The following GABRG3 variants were observed in gnomAD, a reference collection of about 807,000 sequenced individuals.
GABRG3 encodes gamma-aminobutyric acid type A receptor subunit gamma3.
In GABRG3, 25 loss-of-function variants were observed where a neutral mutation model predicts 48.8. The ratio of observed to expected loss-of-function variants is 0.51; its 90% CI spans 0.37 to 0.72. GABRG3 has a LOEUF of 0.72. Ranked by LOEUF, GABRG3 falls within the 30% of genes least tolerant of loss-of-function variation. GABRG3 has a pLI of 0.00. For synonymous variants in GABRG3, 227 were observed against 217.6 expected (o/e 1.04, Z -0.38); for missense variants, 394 against 577.9 (o/e 0.68, Z 3.26).
intron 6 of GABRG3, among the ~76,000 whole-genome samples, chr15:27,514,864 T>G (rs561521509): frequency 9.2e-5 from 14 of 152,310 alleles, no homozygotes; most frequent in Non-Finnish European, 2.1e-4. Context: ...AATGATGGTG[T>G]AGCCACTAAT....
intron 3 of GABRG3, among the ~76,000 whole-genome samples, chr15:27,045,703 G>A (rs74006555): frequency 0.012 from 1,821 of 152,224 alleles, 32 homozygotes; most frequent in African/African-American, 0.041. Flanking sequence ...TTCAATGTGC[G>A]CCAGTTTGCA....
intron 3 of GABRG3, among the ~76,000 whole-genome samples, chr15:27,298,421 C>A (rs1176445464): frequency 1.3e-5 from 2 of 151,842 alleles, no homozygotes; most frequent in African/African-American, 4.8e-5. Flanking sequence ...GAAAAGTGGG[C>A]TGGAGGGGAA....
chr15:27,416,285 C>G (rs541550405), intron 5 of GABRG3, among the ~76,000 whole-genome samples: 1 of 152,196 alleles, frequency 6.6e-6, no homozygotes, highest in Non-Finnish European at 1.5e-5. Context: ...GTGATTGGGT[C>G]TCAGGCTTTT....
intron 6 of GABRG3, among the ~76,000 whole-genome samples, chr15:27,487,569 C>T (rs979190108): frequency 6.6e-6 from 1 of 152,184 alleles, no homozygotes; most frequent in African/African-American, 2.4e-5. Context: ...GTTAATTTGA[C>T]TTCCTGTATC....
intron 3 of GABRG3, among the ~76,000 whole-genome samples, chr15:27,133,014 C>T (rs187451280): frequency 8.6e-5 from 13 of 151,626 alleles, no homozygotes; most frequent in East Asian, 7.8e-4. Context: ...TTTCATTTAC[C>T]GCAAGATATT....
chr15:27,283,138 G>A (rs1171897480), intron 3 of GABRG3, among the ~76,000 whole-genome samples: 1 of 152,146 alleles, frequency 6.6e-6, no homozygotes, highest in African/African-American at 2.4e-5. Context: ...CAAGGTGGAG[G>A]GCTTTTCCTA....
At chr15:27,493,319 T>TA (rs1890401593) in intron 6 of GABRG3, among the ~76,000 whole-genome samples, 1 of 152,172 alleles carries the variant, frequency 6.6e-6, no homozygotes, top group South Asian at 2.1e-4. Context: ...AATTTTTTTT[T>TA]TAAAAAACTT....
At chr15:27,181,379 T>C (rs921214018) in intron 3 of GABRG3, among the ~76,000 whole-genome samples, 1 of 152,106 alleles carries the variant, frequency 6.6e-6, no homozygotes, top group African/African-American at 2.4e-5. Flanking sequence ...GACTCTTGTT[T>C]TGGGGGAAGA....
At chr15:27,037,250 G>A (rs200144339) in intron 3 of GABRG3, among the ~76,000 whole-genome samples, 70 of 152,286 alleles carry the variant, frequency 4.6e-4, no homozygotes, top group East Asian at 3.7e-3. Context: ...CTGCATTACC[G>A]TAGCAGCCCA....
chr15:27,398,510 T>C (rs146245301), intron 5 of GABRG3, among the ~76,000 whole-genome samples: 155 of 152,332 alleles, frequency 1.0e-3, no homozygotes, highest in African/African-American at 3.5e-3. Context: ...AATATTAATA[T>C]ATACCTATCT....
chr15:27,480,779 C>A lies in GABRG3; in HGVS notation c.704C>A (p.Thr235Lys), dbSNP rs760201044. 6.2e-7 allele frequency: 1 copy of A among 1,613,706 alleles called. No individual in the cohort carries two copies. The highest frequency in any genetic ancestry group is 8.5e-7 in the Non-Finnish European group (1 of 1,179,786). ...GLRNTTEIVT[T>K]SAGDYVVMTI... Reference sequence around the variant, plus strand: ...AGAAACACCACAGAAATCGTGACAACGTCTGCAGGTAGGAATTTACTGAAA... The same window carrying A: ...AGAAACACCACAGAAATCGTGACAAAGTCTGCAGGTAGGAATTTACTGAAA... The change falls in exon 6 of 10, where the codon ACG becomes AAG. Residue 235 changes from threonine to lysine, a missense_variant. Physicochemically the swap from Thr to Lys is moderately conservative, Grantham distance 78. Transcript: ENST00000615808.
At chr15:27,061,820 T>C (rs1339300583) in intron 3 of GABRG3, among the ~76,000 whole-genome samples, 4 of 152,140 alleles carry the variant, frequency 2.6e-5, no homozygotes, top group African/African-American at 9.7e-5. Flanking sequence ...TATCCGGGCC[T>C]GGTGGAAGCC....
At chr15:27,420,841 A>G (rs1888091726) in intron 5 of GABRG3, 1 of 152,226 alleles carries the variant, frequency 6.6e-6, no homozygotes, top group Non-Finnish European at 1.5e-5. Flanking sequence ...GTTAAAAAAT[A>G]AAAGTAGTGC....
chr15:27,276,959 GCTAT>G (rs1190100772), intron 3 of GABRG3, among the ~76,000 whole-genome samples: 4 of 152,224 alleles, frequency 2.6e-5, no homozygotes, highest in Non-Finnish European at 5.9e-5. Context: ...TGATTGATTG[GCTAT>G]CTGGGAGAAG....
intron 3 of GABRG3, among the ~76,000 whole-genome samples, chr15:27,240,771 G>A (rs565231434): frequency 2.0e-4 from 30 of 152,252 alleles, no homozygotes; most frequent in African/African-American, 6.7e-4. Context: ...AGACTTAAGT[G>A]TATTTTCTAT....
chr15:27,124,404 T>C (rs1897782544), intron 3 of GABRG3, among the ~76,000 whole-genome samples: 1 of 152,198 alleles, frequency 6.6e-6, no homozygotes, highest in South Asian at 2.1e-4. Flanking sequence ...TGCTGGGCTC[T>C]CTGTCCAGGC....
At chr15:27,477,778 C>T (rs1046815418) in intron 5 of GABRG3, among the ~76,000 whole-genome samples, 5 of 152,160 alleles carry the variant, frequency 3.3e-5, no homozygotes, top group African/African-American at 7.2e-5. Flanking sequence ...CAGTGGCTCA[C>T]ACCTGTAATC....
At chr15:27,144,073 A>G (rs555313043) in intron 3 of GABRG3, among the ~76,000 whole-genome samples, 1 of 152,344 alleles carries the variant, frequency 6.6e-6, no homozygotes, top group East Asian at 1.9e-4. Flanking sequence ...CAGGACCCCC[A>G]TAATTAAGAT....
At chr15:27,095,320 G>A (rs2140760257) in intron 3 of GABRG3, among the ~76,000 whole-genome samples, 1 of 152,252 alleles carries the variant, frequency 6.6e-6, no homozygotes. Context: ...TATAAGAATT[G>A]GTAAATGCAT....
Sources: gnomAD v4.1 joint callset for allele counts (sites outside exome capture counted in the v4.1 genomes callset) on GRCh38, gnomAD v4.1.1 for gene constraint, MANE v1.5 for transcripts, NCBI Gene and HGNC (gene_info 2026-07-23, HGNC 2026-07-21) for gene names.